Variants in RAB42 observed in about 807,000 individuals in gnomAD.
RAB42 encodes ras-related protein Rab-42.
A neutral mutation model predicts 7.5 loss-of-function variants in RAB42; 4 were observed. The ratio of observed to expected loss-of-function variants is 0.53; its 90% CI spans 0.26 to 1.22. The LOEUF is 1.22. Ranked by LOEUF, RAB42 falls within the 50% of genes most tolerant of loss-of-function variation. RAB42 has a pLI of 0.13. For missense variants in RAB42, 208 were observed against 281.2 expected, an observed-to-expected ratio of 0.74 and a Z score of 1.86; for synonymous variants, 82 against 129.0, an observed-to-expected ratio of 0.64 and a Z score of 2.47.
At chr1:28,595,771 G>T (rs1402273176), downstream of RAB42, among the ~76,000 whole-genome samples, 1 of 152,110 alleles carries the variant, frequency 6.6e-6, no homozygotes, top group African/African-American at 2.4e-5. Flanking sequence ...GCTGGGTGTG[G>T]TGGCTCATGC....
chr1:28,592,700 G>A lies in RAB42; in HGVS notation c.189G>A (p.Arg63=). ...CGCTGCAGCTGCGGGCCGGGCCGCGGGTCAAGCTGCAACTCTGGGACACCG... is the reference window on the plus strand; with the variant it reads ...CGCTGCAGCTGCGGGCCGGGCCGCGAGTCAAGCTGCAACTCTGGGACACCG... ...RRALQLRAGP[R]VKLQLWDTAG... Residue 63 remains arginine, a synonymous_variant, in exon 1 of 2, where the codon CGG becomes CGA. Coordinates refer to ENST00000465518, the MANE Select transcript of RAB42 (RefSeq NM_001193532.3). This position sits in a 1 kb window ranked among gnomAD's most constrained non-coding sequence, Gnocchi z 4.1. 8.1e-7 allele frequency: 1 copy of A among 1,230,096 alleles called. No homozygotes were observed. Among genetic ancestry groups the A allele is most frequent in the South Asian group, 4.1e-5 (1 of 24,300 alleles). The allele number at this position is 1,230,096 out of a possible 1,614,324, so 76.2% of individuals were successfully genotyped here.
chr1:28,595,028 T>C lies in RAB42; in HGVS notation c.*911T>C, dbSNP rs1666410287. 1 of 167,022 alleles carries C rather than the reference T, an allele frequency of 6.0e-6. No homozygotes were observed. The highest frequency in any genetic ancestry group is 2.4e-5 in the African/African-American group (1 of 41,404). 10.3% of individuals were successfully genotyped at this position (167,022 alleles called of 1,614,324 possible). Reference sequence around the variant, plus strand: ...CCAGGCCCAGGGGCTGAAAAATGGATGTTGGAGGCTGGGATGAACATGAAT... The same window carrying C: ...CCAGGCCCAGGGGCTGAAAAATGGACGTTGGAGGCTGGGATGAACATGAAT... On this transcript the variant is annotated 3_prime_UTR_variant, in exon 2 of 2. Coordinates refer to ENST00000465518, the MANE Select transcript of RAB42 (RefSeq NM_001193532.3).
intron 1 of RAB42, 106 bp from the exon 2 acceptor site, chr1:28,593,588 G>T: frequency 1.6e-6 from 2 of 1,219,858 alleles, no homozygotes; most frequent in East Asian, 2.6e-5. Flanking sequence ...CCCTGTTGGG[G>T]TGTGAGGCAT....
rs2124265732 is a variant in RAB42, at chr1:28,592,625, G to A, written c.114G>A (p.Glu38=). ...TGGCAGGCGCGCCTGGCGCCCCGGA[G>A]CCGGAGCCCGAGCCCGAGCCCACGG... The part of the protein sequence containing the change: ...SYVAGAPGAP[E]PEPEPEPTVG... Residue 38 remains glutamate, a synonymous_variant, in exon 1 of 2, where the codon GAG becomes GAA. Coordinates refer to ENST00000465518, the MANE Select transcript of RAB42 (RefSeq NM_001193532.3). This position sits in a 1 kb window ranked among gnomAD's most constrained non-coding sequence, Gnocchi z 4.1. 9.8e-6 allele frequency: 12 copies of A among 1,223,674 alleles called. No homozygotes were observed. In the East Asian group the frequency reaches 3.2e-4, roughly 33 times the overall value. The allele number at this position is 1,223,674 out of a possible 1,614,324, so 75.8% of individuals were successfully genotyped here.
rs1666337977 is a variant in RAB42, at chr1:28,592,547, CG to C, written c.37del (p.Ala13ArgfsTer85). ...AEGCRYQFRVALLGDAAVGKT... is the reference protein window; with the variant it reads ...AEGCRYQFRVXLLGDAAVGKT... ...AGGGCTGCCGCTACCAATTTCGGGTCGCGCTGCTGGGGGACGCGGCGGTGGG... is the reference window on the plus strand; with the variant it reads ...AGGGCTGCCGCTACCAATTTCGGGTCCGCTGCTGGGGGACGCGGCGGTGGG... On this transcript the variant is annotated frameshift_variant, in exon 1 of 2. Coordinates refer to ENST00000465518, the MANE Select transcript of RAB42 (RefSeq NM_001193532.3). LOFTEE classifies it high-confidence loss of function. The surrounding 1 kb of genome is among the most constrained non-coding windows in gnomAD (Gnocchi z 4.1). The C allele has an allele frequency of 8.2e-7, 1 of 1,214,630 alleles. No homozygotes were observed. 75.2% of individuals were successfully genotyped at this position (1,214,630 alleles called of 1,614,324 possible).
At chr1:28,593,251 TG>T (rs999157948) in intron 1 of RAB42, among the ~76,000 whole-genome samples, 1 of 151,826 alleles carries the variant, frequency 6.6e-6, no homozygotes, top group Non-Finnish European at 1.5e-5. Context: ...TCGCCCAGGC[TG>T]GGGTGCAGTG....
Position 28,594,756 on chromosome 1 carries a change from T to C in RAB42, c.*639T>C, listed in dbSNP as rs948584507. ...CACCCAGAGCCTGCCGCGCTGTGAATTGAATGACAAAAGCTCTCATTCCCA... is the reference window on the plus strand; with the variant it reads ...CACCCAGAGCCTGCCGCGCTGTGAACTGAATGACAAAAGCTCTCATTCCCA... On this transcript the variant is annotated 3_prime_UTR_variant, in exon 2 of 2. Transcript: ENST00000465518. The C allele has an allele frequency of 1.8e-5, 3 of 167,046 alleles. No homozygotes were observed. Among genetic ancestry groups the C allele is most frequent in the African/African-American group, 7.2e-5 (3 of 41,420 alleles). The allele number at this position is 167,046 out of a possible 1,614,324, so 10.3% of individuals were successfully genotyped here. A position where few individuals can be genotyped will look rare whatever the true frequency, so the allele number is the denominator to read the frequency against.
At chr1:28,596,221 TACAA>T (rs1054181600), downstream of RAB42, among the ~76,000 whole-genome samples, 1 of 152,194 alleles carries the variant, frequency 6.6e-6, no homozygotes, top group African/African-American at 2.4e-5. Context: ...TTATTTGTAT[TACAA>T]ACAATCCAGT....
chr1:28,593,422 G>A (rs982690505), intron 1 of RAB42, among the ~76,000 whole-genome samples: 3 of 152,120 alleles, frequency 2.0e-5, no homozygotes, highest in African/African-American at 7.2e-5. Context: ...TAGTCAGGAT[G>A]GTCTGGATCT....
chr1:28,596,399 T>C (rs1311116505), downstream of RAB42, among the ~76,000 whole-genome samples: 1 of 152,130 alleles, frequency 6.6e-6, no homozygotes, highest in African/African-American at 2.4e-5. Context: ...GGTGGGCGGA[T>C]CACCTGAAGT....
rs1666329757 is a variant in RAB42 at position 28,592,394 on chromosome 1, C to G, written c.-118C>G. 3 of 334,930 alleles carry G rather than the reference C, an allele frequency of 9.0e-6. No homozygotes were observed. Among genetic ancestry groups the G allele is most frequent in the Non-Finnish European group, 1.4e-5 (3 of 216,826 alleles). 20.7% of individuals were successfully genotyped at this position (334,930 alleles called of 1,614,324 possible). A position where few individuals can be genotyped will look rare whatever the true frequency, so the allele number is the denominator to read the frequency against. On this transcript the variant is annotated 5_prime_UTR_variant, in exon 1 of 2. Transcript: ENST00000465518. The surrounding 1 kb of genome is among the most constrained non-coding windows in gnomAD (Gnocchi z 4.1). The stretch of plus-strand genomic sequence containing the variant: ...ACTCGGTCCGACGCCCTCGGTGCCC[C>G]GCCGGGTACGGTGGCTGGGCGCGGG...
In RAB42 at chr1:28,594,435, C is replaced by T. The variant is rs1348630789; in HGVS notation, c.*318C>T. ...ACTAAAAATACAAAAATTAGCCAGGCGTGGTGGTGCATGCCTGTAATCCCA... is the reference window on the plus strand; with the variant it reads ...ACTAAAAATACAAAAATTAGCCAGGTGTGGTGGTGCATGCCTGTAATCCCA... On this transcript the variant is annotated 3_prime_UTR_variant, in exon 2 of 2. Coordinates refer to ENST00000465518, the MANE Select transcript of RAB42 (RefSeq NM_001193532.3). 5 of 240,762 alleles carry T rather than the reference C, an allele frequency of 2.1e-5. No homozygotes were observed. The highest frequency in any genetic ancestry group is 1.0e-4 in the Admixed American group (2 of 19,492). The allele number at this position is 240,762 out of a possible 1,614,324, so 14.9% of individuals were successfully genotyped here.
At chr1:28,596,396 G>A (rs910344368), downstream of RAB42, among the ~76,000 whole-genome samples, 37 of 152,092 alleles carry the variant, frequency 2.4e-4, no homozygotes, top group Non-Finnish European at 4.3e-4. Flanking sequence ...CGAGGTGGGC[G>A]GATCACCTGA....
At position 28,592,457 on chromosome 1, in the gene RAB42, C is replaced by A; in HGVS notation, c.-55C>A. 1 of 951,704 alleles carries A rather than the reference C, an allele frequency of 1.1e-6. No homozygotes were observed. Among genetic ancestry groups the A allele is most frequent in the Non-Finnish European group, 1.3e-6 (1 of 754,756 alleles). 59.0% of individuals were successfully genotyped at this position (951,704 alleles called of 1,614,324 possible). On this transcript the variant is annotated 5_prime_UTR_variant, in exon 1 of 2. Coordinates refer to ENST00000465518, the MANE Select transcript of RAB42 (RefSeq NM_001193532.3). This position sits in a 1 kb window ranked among gnomAD's most constrained non-coding sequence, Gnocchi z 4.1. The stretch of plus-strand genomic sequence containing the variant: ...GCGCCGGCGGGGCCCCGGGCAGGGG[C>A]GGGGTCGGGGCGCGGACAAAACCGC...
Position 28,594,266 on chromosome 1 carries a change from G to A in RAB42, c.*149G>A, listed in dbSNP as rs1666390913. On this transcript the variant is annotated 3_prime_UTR_variant, in exon 2 of 2. Coordinates refer to ENST00000465518, the MANE Select transcript of RAB42 (RefSeq NM_001193532.3). ...ATGCTTCCTGGATTTTGGAGTCGAG[G>A]CTTTCTACAGAAAAGAAAGTTCTGA... 1 of 843,610 alleles carries A rather than the reference G, an allele frequency of 1.2e-6. No individual in the cohort carries two copies. Among genetic ancestry groups the A allele is most frequent in the Non-Finnish European group, 1.8e-6 (1 of 562,114 alleles). 52.3% of individuals were successfully genotyped at this position (843,610 alleles called of 1,614,324 possible). A position where few individuals can be genotyped will look rare whatever the true frequency, so the allele number is the denominator to read the frequency against.
Position 28,592,578 on chromosome 1 carries a change from A to C in RAB42, c.67A>C (p.Thr23Pro), listed in dbSNP as rs1666338613. 3.3e-6 allele frequency: 4 copies of C among 1,218,976 alleles called. No homozygotes were observed. The highest frequency in any genetic ancestry group is 8.6e-5 in the Admixed American group (2 of 23,204). 75.5% of individuals were successfully genotyped at this position (1,218,976 alleles called of 1,614,324 possible). ...ALLGDAAVGK[T>P]SLLRSYVAGA... Reference sequence around the variant, plus strand: ...GCTGGGGGACGCGGCGGTGGGCAAGACGTCGCTGCTGCGGAGCTACGTGGC... The same window carrying C: ...GCTGGGGGACGCGGCGGTGGGCAAGCCGTCGCTGCTGCGGAGCTACGTGGC... Residue 23 changes from threonine (T) to proline (P), a missense_variant, in exon 1 of 2, where the codon ACG (threonine) becomes CCG (proline). Thr to Pro is a conservative substitution (Grantham distance 38). Coordinates refer to ENST00000465518, the MANE Select transcript of RAB42 (RefSeq NM_001193532.3). This position sits in a 1 kb window ranked among gnomAD's most constrained non-coding sequence, Gnocchi z 4.1.
chr1:28,592,820 G>A lies in RAB42; in HGVS notation c.233+76G>A. 10 of 687,836 alleles carry A rather than the reference G, an allele frequency of 1.5e-5. No homozygotes were observed. The highest frequency in any genetic ancestry group is 2.0e-5 in the Non-Finnish European group (10 of 493,102). The allele number at this position is 687,836 out of a possible 1,614,324, so 42.6% of individuals were successfully genotyped here. A position where few individuals can be genotyped will look rare whatever the true frequency, so the allele number is the denominator to read the frequency against. ...CGTGCTTTAGGCCACGGCAACTCCCGAGAGGCCAACTCAGAGGTCAGGCGG... is the reference window on the plus strand; with the variant it reads ...CGTGCTTTAGGCCACGGCAACTCCCAAGAGGCCAACTCAGAGGTCAGGCGG... On this transcript the variant is annotated intron_variant, in intron 1 of 1. Coordinates refer to ENST00000465518, the MANE Select transcript of RAB42 (RefSeq NM_001193532.3). This position sits in a 1 kb window ranked among gnomAD's most constrained non-coding sequence, Gnocchi z 4.1.
chr1:28,592,449 G>A lies in RAB42; in HGVS notation c.-63G>A, dbSNP rs1666332699. ...GGGGGGCGGCGCCGGCGGGGCCCCGGGCAGGGGCGGGGTCGGGGCGCGGAC... is the reference window on the plus strand; with the variant it reads ...GGGGGGCGGCGCCGGCGGGGCCCCGAGCAGGGGCGGGGTCGGGGCGCGGAC... On this transcript the variant is annotated 5_prime_UTR_variant, in exon 1 of 2. Transcript: ENST00000465518. This position sits in a 1 kb window ranked among gnomAD's most constrained non-coding sequence, Gnocchi z 4.1. The A allele has an allele frequency of 6.8e-6, 6 of 878,712 alleles. No homozygotes were observed. Among genetic ancestry groups the A allele is most frequent in the African/African-American group, 1.8e-5 (1 of 55,892 alleles). The allele number at this position is 878,712 out of a possible 1,614,324, so 54.4% of individuals were successfully genotyped here.
At chr1:28,595,969 T>C (rs939493233), downstream of RAB42, among the ~76,000 whole-genome samples, 1 of 152,176 alleles carries the variant, frequency 6.6e-6, no homozygotes, top group Non-Finnish European at 1.5e-5. Context: ...TTGAGCTAGT[T>C]ACTTGGCCTC....
Sources: allele counts gnomAD v4.1 joint callset (sites outside exome capture counted in the v4.1 genomes callset), GRCh38; gene constraint gnomAD v4.1.1; non-coding constraint Gnocchi (gnomAD v3.1); transcripts MANE v1.5; gene names NCBI Gene and HGNC (gene_info 2026-07-23, HGNC 2026-07-21).